The following LRRC37A2 variants were observed in gnomAD, a reference collection of about 807,000 sequenced individuals.
LRRC37A2 encodes leucine-rich repeat-containing protein 37A2.
In LRRC37A2, 9 loss-of-function variants were observed where a neutral mutation model predicts 68.8. The ratio of observed to expected loss-of-function variants is 0.13; its 90% confidence interval spans 0.08 to 0.23. LRRC37A2 has a LOEUF of 0.23. LRRC37A2 is among the 10% of genes least tolerant of loss of function. The probability of loss-of-function intolerance (pLI) is 1.00; values close to 1 mark genes in which losing one functional copy is unlikely to be tolerated. For missense variants in LRRC37A2, 168 were observed against 950.4 expected (o/e 0.18, Z 10.82); for synonymous variants, 63 against 367.6 (o/e 0.17, Z 9.48).
At chr17:46,808,438 A>T in the LRRC37A2 span, among the ~76,000 whole-genome samples, 1 of 152,234 alleles carries the variant, frequency 6.6e-6, no homozygotes, top group Admixed American at 6.5e-5. Flanking sequence ...TAGAATATGA[A>T]CAAGCAAATT....
At chr17:46,583,260 G>A in the LRRC37A2 span, among the ~76,000 whole-genome samples, 3 of 71,604 alleles carry the variant, frequency 4.2e-5, 1 homozygote, top group African/African-American at 1.2e-4. Context: ...CACCGCGCCC[G>A]GCCAGAAGGA....
chr17:46,832,117 C>T, the LRRC37A2 span, among the ~76,000 whole-genome samples: 1 of 152,180 alleles, frequency 6.6e-6, no homozygotes, highest in Admixed American at 6.5e-5. Flanking sequence ...AGACCGAGAC[C>T]CTGAAAGGTG....
the LRRC37A2 span, among the ~76,000 whole-genome samples, chr17:46,914,582 C>G: frequency 8.1e-6 from 1 of 123,896 alleles, no homozygotes; most frequent in African/African-American, 3.0e-5. Flanking sequence ...ACCCGGAAGG[C>G]GGAGGTTGCA....
At chr17:46,883,444 C>T in the LRRC37A2 span, among the ~76,000 whole-genome samples, 3 of 150,268 alleles carry the variant, frequency 2.0e-5, no homozygotes, top group Admixed American at 6.6e-5. Flanking sequence ...ACCCCACGCC[C>T]GGCCTTATTT....
At chr17:46,974,029 CAAGT>C in the LRRC37A2 span, among the ~76,000 whole-genome samples, 37 of 152,324 alleles carry the variant, frequency 2.4e-4, 1 homozygote, top group East Asian at 1.5e-3. Flanking sequence ...TTGGCTTAGA[CAAGT>C]AAGTAAGAAA....
the LRRC37A2 span, among the ~76,000 whole-genome samples, chr17:47,034,553 T>G: frequency 1.3e-5 from 2 of 152,126 alleles, no homozygotes; most frequent in East Asian, 3.9e-4. Context: ...CTAAGTTGTT[T>G]GGCTACATAC....
At chr17:46,715,999 G>A in the LRRC37A2 span, among the ~76,000 whole-genome samples, 1 of 152,098 alleles carries the variant, frequency 6.6e-6, no homozygotes, top group Non-Finnish European at 1.5e-5. Context: ...TTCCTTGGGG[G>A]AAAAATATTA....
At chr17:46,950,363 T>G in the LRRC37A2 span, among the ~76,000 whole-genome samples, 2 of 149,826 alleles carry the variant, frequency 1.3e-5, no homozygotes, top group African/African-American at 2.5e-5. Flanking sequence ...GCCAGGAGGG[T>G]GAGGATGGAG....
chr17:46,377,592 C>T, the LRRC37A2 span, among the ~76,000 whole-genome samples: 8 of 53,594 alleles, frequency 1.5e-4, 1 homozygote, highest in Non-Finnish European at 3.0e-4. Flanking sequence ...TTTTTTGAGA[C>T]GGAGTCTTGC....
At chr17:46,896,367 G>A in the LRRC37A2 span, among the ~76,000 whole-genome samples, 100 of 144,128 alleles carry the variant, frequency 6.9e-4, no homozygotes, top group African/African-American at 2.3e-3. Context: ...AAGAAAGAAA[G>A]AGAGAGAGAG....
At chr17:46,749,102 A>G in the LRRC37A2 span, among the ~76,000 whole-genome samples, 2 of 152,310 alleles carry the variant, frequency 1.3e-5, no homozygotes, top group East Asian at 1.9e-4. Context: ...AAAACCAGTA[A>G]TGTAACATTA....
chr17:46,697,165 A>T, the LRRC37A2 span, among the ~76,000 whole-genome samples: 1 of 147,630 alleles, frequency 6.8e-6, no homozygotes, highest in Non-Finnish European at 1.5e-5. Context: ...ATAGTACCCC[A>T]GATAGATCTA....
chr17:46,728,291 C>T, the LRRC37A2 span, among the ~76,000 whole-genome samples: 2 of 152,220 alleles, frequency 1.3e-5, no homozygotes, highest in South Asian at 2.1e-4. Context: ...CCTTATTTTC[C>T]CCTTTGCCCA....
In LRRC37A2 at chr17:46,553,324, T is replaced by G. The variant is rs2056998371; in HGVS notation, c.4810-76T>G. ...TCAGGTAGATGAGACTTATAATGAA[T>G]AAAAGGAATCAATACAGATTTGGAG... On this transcript the variant is annotated intron_variant, in intron 11 of 14. Coordinates refer to ENST00000576629, the Ensembl canonical transcript of LRRC37A2. 1.9e-6 allele frequency: 3 copies of G among 1,605,920 alleles called. No homozygotes were observed. The Admixed American group carries it at 5.1e-5, about 27-fold the overall frequency.
chr17:46,860,542 T>C, the LRRC37A2 span, among the ~76,000 whole-genome samples: 1 of 152,226 alleles, frequency 6.6e-6, no homozygotes, highest in Non-Finnish European at 1.5e-5. Flanking sequence ...AGTTTTCTCA[T>C]CTGTAAAATG....
At chr17:46,980,841 T>A in the LRRC37A2 span, among the ~76,000 whole-genome samples, 242 of 150,690 alleles carry the variant, frequency 1.6e-3, 3 homozygotes, top group Admixed American at 3.7e-3. Flanking sequence ...TCAAAAAAAA[T>A]AAAATAAAAT....
At chr17:46,736,282 C>G in the LRRC37A2 span, among the ~76,000 whole-genome samples, 1 of 152,240 alleles carries the variant, frequency 6.6e-6, no homozygotes, top group Admixed American at 6.5e-5. Flanking sequence ...CACTTGTCTT[C>G]AGCCTCCAGG....
the LRRC37A2 span, among the ~76,000 whole-genome samples, chr17:46,779,094 C>T: frequency 6.7e-6 from 1 of 148,282 alleles, no homozygotes; most frequent in Non-Finnish European, 1.5e-5. Flanking sequence ...CACACACACA[C>T]ACACACACAC....
At chr17:46,550,371 T>G (rs2145816982) in intron 10 of LRRC37A2, 44 bp from the exon 10 acceptor site, 1 of 678,638 alleles carries the variant, frequency 1.5e-6, no homozygotes, top group South Asian at 2.2e-5. Context: ...TTTTGAATAG[T>G]TAGCTCTCAT....
Sources: gnomAD v4.1 joint callset for allele counts (sites outside exome capture counted in the v4.1 genomes callset) on GRCh38, gnomAD v4.1.1 for gene constraint, MANE v1.5 for transcripts, NCBI Gene and HGNC (gene_info 2026-07-23, HGNC 2026-07-21) for gene names.